C8orf76: variants seen among roughly 807,000 people sequenced by gnomAD.
C8orf76 encodes the protein chromosome 8 open reading frame 76.
Under a neutral mutation model 38.1 loss-of-function variants are expected in C8orf76, and 46 were observed. The ratio of observed to expected loss-of-function variants is 1.21; its 90% CI spans 0.95 to 1.54. The LOEUF (loss-of-function observed/expected upper bound fraction) is 1.54. Ranked by LOEUF, C8orf76 falls within the 40% of genes most tolerant of loss-of-function variation. The pLI, the probability that C8orf76 is intolerant of heterozygous loss-of-function variation, is 0.00. For missense variants in C8orf76, 461 were observed against 441.6 expected (o/e 1.04, Z -0.39); for synonymous variants, 166 against 167.5 (o/e 0.99, Z 0.07).
intron 3 of C8orf76, among the ~76,000 whole-genome samples, chr8:123,236,454 C>T (rs1320541465): frequency 1.3e-5 from 2 of 152,038 alleles, no homozygotes; most frequent in East Asian, 3.9e-4. Flanking sequence ...AAAAAAATTC[C>T]GCTTTAGAAT....
At chr8:123,227,843 T>C (rs1484289745) in intron 4 of C8orf76, among the ~76,000 whole-genome samples, 1 of 152,188 alleles carries the variant, frequency 6.6e-6, no homozygotes, top group Non-Finnish European at 1.5e-5. Flanking sequence ...GAAAGGAGCC[T>C]GACCTGACTC....
In C8orf76 at chr8:123,241,303, G is replaced by A. The variant is rs556785814; in HGVS notation, c.44C>T (p.Ser15Leu). ...CWLFGGEFED[S>L]VFEERPERRS... ...CCGCTCCGGCCTCTCCTCGAACACC[G>A]AGTCCTCGAACTCGCCGCCGAACAA... Residue 15 changes from serine to leucine, a missense_variant, in exon 1 of 6, where the codon TCG becomes TTG. Coordinates refer to ENST00000276704, the MANE Select transcript of C8orf76 (RefSeq NM_032847.3). 3 of 1,575,698 alleles carry A rather than the reference G, an allele frequency of 1.9e-6. No individual in the cohort carries two copies. Among genetic ancestry groups the A allele is most frequent in the Admixed American group, 3.8e-5 (2 of 52,948 alleles).
At position 123,231,746 on chromosome 8, in the gene C8orf76, T is replaced by C. The variant is rs1255058436; in HGVS notation, c.369A>G (p.Ala123=). 6.3e-7 allele frequency: 1 copy of C among 1,578,434 alleles called. No homozygotes were observed. The highest frequency in any genetic ancestry group is 1.4e-5 in the African/African-American group (1 of 73,200). ...LEIAANLENK[A]TNTDHLTTVL... Reference sequence around the variant, plus strand: ...CCGTGGTTAAATGGTCTGTGTTGGTTGCTTTATTTTCCTAAGGAGAAAAAA... The same window carrying C: ...CCGTGGTTAAATGGTCTGTGTTGGTCGCTTTATTTTCCTAAGGAGAAAAAA... Residue 123 remains alanine, a synonymous_variant, in exon 4 of 6, where the codon GCA becomes GCG. Transcript: ENST00000276704.
intron 3 of C8orf76, among the ~76,000 whole-genome samples, chr8:123,237,450 G>A (rs1439598103): frequency 6.6e-6 from 1 of 152,104 alleles, no homozygotes; most frequent in Non-Finnish European, 1.5e-5. Context: ...GTTCATTGTA[G>A]AAATTTTGGA....
At chr8:123,236,766 A>G (rs1825499582) in intron 3 of C8orf76, 2 of 477,010 alleles carry the variant, frequency 4.2e-6, no homozygotes, top group Non-Finnish European at 7.7e-6. Flanking sequence ...CCTGGGTGAC[A>G]GAGTGAGACT....
chr8:123,227,542 G>A (rs1042973131), intron 4 of C8orf76, among the ~76,000 whole-genome samples: 5 of 152,160 alleles, frequency 3.3e-5, no homozygotes. Context: ...GGTATAGGCA[G>A]GAAGGCTTCC....
intron 4 of C8orf76, among the ~76,000 whole-genome samples, chr8:123,226,914 T>G (rs1825063605): frequency 6.6e-6 from 1 of 152,174 alleles, no homozygotes; most frequent in African/African-American, 2.4e-5. Context: ...GAAAAGAGCT[T>G]CCGGCCTCAA....
At chr8:123,238,464 T>C (rs1213817284) in intron 2 of C8orf76, 4 of 153,314 alleles carry the variant, frequency 2.6e-5, no homozygotes, top group Non-Finnish European at 5.8e-5. Flanking sequence ...AATGGACTAA[T>C]ACATCTAGTC....
rs78443181 is a variant in C8orf76 at position 123,241,372 on chromosome 8, G to A, written c.-26C>T. ...CTCGCGCCCGCGGCGGGGGCAACGA[G>A]GAAGCGGGGCCCGCCGGAAAAGGCG... On this transcript the variant is annotated 5_prime_UTR_variant, in exon 1 of 6. Coordinates refer to ENST00000276704, the MANE Select transcript of C8orf76 (RefSeq NM_032847.3). 9.8e-3 allele frequency: 15,035 copies of A among 1,537,114 alleles called. 142 individuals carry two copies. The highest frequency in any genetic ancestry group is 0.048 in the African/African-American group (3,289 of 68,716).
Position 123,226,089 on chromosome 8 carries a change from G to A in C8orf76, c.948+411C>T, listed in dbSNP as rs562047268. ...CAGCTCTCCCACTGAAAATCTGACC[G>A]CAGGCAAGTCACAAGTTCTCTGAGC... On this transcript the variant is annotated intron_variant, in intron 5 of 5. Coordinates refer to ENST00000276704, the MANE Select transcript of C8orf76 (RefSeq NM_032847.3). 1.1e-3 allele frequency: 1,062 copies of A among 959,138 alleles called. 3 individuals carry two copies. The highest frequency in any genetic ancestry group is 2.5e-3 in the South Asian group (57 of 23,262). 59.4% of individuals were successfully genotyped at this position (959,138 alleles called of 1,614,324 possible).
intron 3 of C8orf76, among the ~76,000 whole-genome samples, chr8:123,233,609 T>C (rs779747801): frequency 6.6e-6 from 1 of 152,014 alleles, no homozygotes; most frequent in Non-Finnish European, 1.5e-5. Context: ...TTGGCCAGGC[T>C]GGTCTTGAAC....
At chr8:123,227,822 C>T (rs1251352174) in intron 4 of C8orf76, among the ~76,000 whole-genome samples, 1 of 152,076 alleles carries the variant, frequency 6.6e-6, no homozygotes, top group Non-Finnish European at 1.5e-5. Flanking sequence ...GGAAGCCATC[C>T]GGGCGTTTCA....
At position 123,231,363 on chromosome 8, in the gene C8orf76, T is replaced by C. The variant is rs369375046; in HGVS notation, c.752A>G (p.Glu251Gly). 12 of 1,614,026 alleles carry C rather than the reference T, an allele frequency of 7.4e-6. No individual in the cohort carries two copies. Among genetic ancestry groups the C allele is most frequent in the African/African-American group, 1.3e-5 (1 of 74,912 alleles). Reference protein sequence around the residue: ...ALTNIQNCMAEKRETVLIETQ... With the variant: ...ALTNIQNCMAGKRETVLIETQ... ...CTCTATCAACACTGTTTCTCTCTTTTCTGCCATACAGTTTTGGATATTTGT... is the reference window on the plus strand; with the variant it reads ...CTCTATCAACACTGTTTCTCTCTTTCCTGCCATACAGTTTTGGATATTTGT... Residue 251 changes from glutamate (E) to glycine (G), a missense_variant, in exon 4 of 6, where the codon GAA (glutamate) becomes GGA (glycine). By Grantham distance (98) the Glu-to-Gly change is moderately conservative. Coordinates refer to ENST00000276704, the MANE Select transcript of C8orf76 (RefSeq NM_032847.3).
chr8:123,226,641 CCGAAAAGTCTCAATGCGTGG>C lies in C8orf76; in HGVS notation c.816-29_816-10del, dbSNP rs749222337. On this transcript the variant is annotated splice_polypyrimidine_tract_variant and intron_variant, in intron 4 of 5. Coordinates refer to ENST00000276704, the MANE Select transcript of C8orf76 (RefSeq NM_032847.3). ...TAAACTGAAGCAGAAGCCTGAAAAA[CCGAAAAGTCTCAATGCGTGG>C]CGAAAAGTCCCAACGCTTCCAGATA... The C allele has an allele frequency of 8.8e-6, 14 of 1,587,710 alleles. No individual in the cohort carries two copies. Among genetic ancestry groups the C allele is most frequent in the Middle Eastern group, 1.7e-4 (1 of 5,990 alleles).
chr8:123,220,800 C>T (rs942995788), intron 5 of C8orf76, among the ~76,000 whole-genome samples: 2 of 152,166 alleles, frequency 1.3e-5, no homozygotes, highest in Non-Finnish European at 2.9e-5. Context: ...CCCTACTGGT[C>T]AGAATCAGGC....
rs79884352 is a variant in C8orf76 at position 123,240,946 on chromosome 8, T to C, written c.117+284A>G. On this transcript the variant is annotated intron_variant, in intron 1 of 5. Coordinates refer to ENST00000276704, the MANE Select transcript of C8orf76 (RefSeq NM_032847.3). ...GAAGACAAACGGGAGGTACCGGAGA[T>C]TGCAGGGCAGGGGCGTTGAGACCAG... 7.5e-3 allele frequency among the ~76,000 whole-genome samples: 1,138 copies of C among 152,206 alleles called. 10 individuals are homozygous for C. The highest frequency in any genetic ancestry group is 0.026 in the African/African-American group (1,091 of 41,534).
Position 123,231,322 on chromosome 8 carries a change from A to C in C8orf76, c.793T>G (p.Cys265Gly). 1 of 1,611,062 alleles carries C rather than the reference A, an allele frequency of 6.2e-7. No individual in the cohort carries two copies. The highest frequency in any genetic ancestry group is 8.5e-7 in the Non-Finnish European group (1 of 1,178,772). The change falls in exon 4 of 6, where the codon TGT (cysteine) becomes GGT (glycine). Residue 265 changes from cysteine (C) to glycine (G), a missense_variant. By Grantham distance (159) the Cys-to-Gly change is radical. Coordinates refer to ENST00000276704, the MANE Select transcript of C8orf76 (RefSeq NM_032847.3). ...TVLIETQLKA[C>G]ASFIRTRLLL... ...TACCTGGTTCGTATAAAAGAGGCAC[A>C]TGCTTTCAGCTGAGTCTCTATCAAC...
chr8:123,240,152 C>G (rs1486477033), intron 1 of C8orf76, among the ~76,000 whole-genome samples: 1 of 151,094 alleles, frequency 6.6e-6, no homozygotes, highest in Non-Finnish European at 1.5e-5. Context: ...TCTGAAGGGA[C>G]AAATAAGGAG....
At position 123,237,834 on chromosome 8, in the gene C8orf76, A is replaced by G; in HGVS notation, c.321T>C (p.Gly107=). ...EGQARCLAHL[G]RHMEALEIAA... ...CAATCTCCAGCGCCTCCATATGCCT[A>G]CCCAGGTGAGCCAGACACCGAGCCT... Residue 107 remains glycine (G), a synonymous_variant, in exon 3 of 6, where the codon GGT becomes GGC. Transcript: ENST00000276704. 6.2e-7 allele frequency: 1 copy of G among 1,614,028 alleles called. No individual in the cohort carries two copies. Among genetic ancestry groups the G allele is most frequent in the Non-Finnish European group, 8.5e-7 (1 of 1,179,972 alleles).
Sources: allele counts gnomAD v4.1 joint callset (sites outside exome capture counted in the v4.1 genomes callset), GRCh38; gene constraint gnomAD v4.1.1; transcripts MANE v1.5; gene names NCBI Gene and HGNC (gene_info 2026-07-23, HGNC 2026-07-21).